FLNB: variants seen among roughly 807,000 people sequenced by gnomAD.
FLNB encodes filamin B.
Under a neutral mutation model 250.6 loss-of-function variants are expected in FLNB, and 111 were observed. The ratio of observed to expected loss-of-function variants is 0.44; its 90% confidence interval spans 0.38 to 0.52. The LOEUF is 0.52. Ranked by LOEUF, FLNB falls within the 20% of genes least tolerant of loss-of-function variation. FLNB has a pLI of 0.00. For synonymous variants in FLNB, 1,302 were observed against 1,372.1 expected (o/e 0.95, Z 1.13); for missense variants, 2,869 against 3,447.8 (o/e 0.83, Z 4.20).
At chr3:58,134,093 T>C (rs933772610) in intron 26 of FLNB, among the ~76,000 whole-genome samples, 1 of 152,132 alleles carries the variant, frequency 6.6e-6, no homozygotes, top group Non-Finnish European at 1.5e-5. Flanking sequence ...CCCCAACCCT[T>C]GGAGCGTGGA....
In FLNB at chr3:58,117,828, A is replaced by T. The variant is rs2097281455; in HGVS notation, c.2746-1044A>T. ...TTTCTTGGCCTTTACCCCCTTCCTT[A>T]TTACAAAAGGAATGTGACAAAATAT... is the stretch of plus-strand genomic sequence containing the variant. On this transcript the variant is annotated intron_variant, in intron 18 of 45. Transcript: ENST00000295956. Among the ~76,000 whole-genome samples the T allele has an allele frequency of 6.1e-5, 9 of 146,396 alleles. 1 individual carries two copies. The South Asian group carries it at 2.0e-3, about 32-fold the overall frequency.
Position 58,153,646 on chromosome 3 carries a change from G to T in FLNB, c.6634+5G>T, listed in dbSNP as rs761886642. 4 of 1,613,946 alleles carry T rather than the reference G, an allele frequency of 2.5e-6. No homozygotes were observed. Among genetic ancestry groups the T allele is most frequent in the Non-Finnish European group, 3.4e-6 (4 of 1,179,950 alleles). ...GAGGAGAAGCGGGAGTCCCAGGTGAGCATTGCGGGCAGGATTTTCACTTGG... is the reference window on the plus strand; with the variant it reads ...GAGGAGAAGCGGGAGTCCCAGGTGATCATTGCGGGCAGGATTTTCACTTGG... On this transcript the variant is annotated splice_donor_5th_base_variant and intron_variant, in intron 39 of 45. Coordinates refer to ENST00000295956, the MANE Select transcript of FLNB (RefSeq NM_001457.4).
At chr3:58,081,507 A>T in intron 3 of FLNB, 122 bp from the exon 4 acceptor site, 2 of 949,396 alleles carry the variant, frequency 2.1e-6, no homozygotes, top group Non-Finnish European at 3.4e-6. Flanking sequence ...AATTTCACTT[A>T]ATTGAGAAGC....
At position 58,142,477 on chromosome 3, in the gene FLNB, G is replaced by C. The variant is rs549728971; in HGVS notation, c.5182-173G>C. Among the ~76,000 whole-genome samples, 1 of 152,136 alleles carries C rather than the reference G, an allele frequency of 6.6e-6. No homozygotes were observed. The highest frequency in any genetic ancestry group is 1.5e-5 in the Non-Finnish European group (1 of 68,024). On this transcript the variant is annotated intron_variant, in intron 30 of 45. Coordinates refer to ENST00000295956, the MANE Select transcript of FLNB (RefSeq NM_001457.4). The surrounding 1 kb of genome is among the most constrained non-coding windows in gnomAD (Gnocchi z 4.3). ...CAGCATGACCTCTCCAGTCCCTCAG[G>C]TTCTACCCTGGGTCTGGAGCCACTT... is the stretch of plus-strand genomic sequence containing the variant.
chr3:58,122,881 C>T (rs978717686), intron 20 of FLNB, among the ~76,000 whole-genome samples: 1 of 152,144 alleles, frequency 6.6e-6, no homozygotes, highest in Non-Finnish European at 1.5e-5. Context: ...CACCTCTCTC[C>T]TGTGGGTTTT....
rs149365195 is a variant in FLNB at position 58,124,620 on chromosome 3, C to T, written c.3898+115C>T. ...TGCTAGGCCTGTCTCAGCAGGGCCA[C>T]GTGCAGAGTGACAGAGTGGAAGTCA... On this transcript the variant is annotated intron_variant, in intron 22 of 45. Coordinates refer to ENST00000295956, the MANE Select transcript of FLNB (RefSeq NM_001457.4). 2.7e-3 allele frequency: 2,984 copies of T among 1,109,556 alleles called. 3 individuals carry two copies. Among genetic ancestry groups the T allele is most frequent in the Non-Finnish European group, 3.7e-3 (2,770 of 749,202 alleles). 68.7% of individuals were successfully genotyped at this position (1,109,556 alleles called of 1,614,324 possible).
At chr3:58,041,570 C>G (rs1421842632) in intron 1 of FLNB, among the ~76,000 whole-genome samples, 1 of 152,188 alleles carries the variant, frequency 6.6e-6, no homozygotes, top group Admixed American at 6.5e-5. Context: ...GAGCTGTAAG[C>G]CAACCTTTTC....
intron 38 of FLNB, chr3:58,150,710 C>CGA: frequency 9.8e-6 from 2 of 203,466 alleles, no homozygotes; most frequent in South Asian, 1.8e-4. Context: ...TCTTCTTGGG[C>CGA]CCCGATTAGC....
At chr3:58,040,171 T>C (rs1445557051) in intron 1 of FLNB, among the ~76,000 whole-genome samples, 1 of 152,120 alleles carries the variant, frequency 6.6e-6, no homozygotes, top group East Asian at 1.9e-4. Flanking sequence ...TTTGGGGTGC[T>C]GTGACGGCAA....
intron 1 of FLNB, among the ~76,000 whole-genome samples, chr3:58,036,330 G>T (rs1471734547): frequency 6.6e-6 from 1 of 152,156 alleles, no homozygotes; most frequent in Non-Finnish European, 1.5e-5. Context: ...GAATTTTATT[G>T]TTACTGAAAT....
chr3:58,140,630 A>G (rs1169890476), intron 29 of FLNB, among the ~76,000 whole-genome samples: 1 of 151,618 alleles, frequency 6.6e-6, no homozygotes, highest in Non-Finnish European at 1.5e-5. Context: ...TTTTTTTGAG[A>G]CAGAATCTCA....
intron 24 of FLNB, among the ~76,000 whole-genome samples, chr3:58,127,418 C>T (rs945989234): frequency 6.6e-6 from 1 of 151,512 alleles, no homozygotes; most frequent in Non-Finnish European, 1.5e-5. Context: ...TTTTCACTGA[C>T]AATACTAGTA....
chr3:58,132,099 G>A lies in FLNB; in HGVS notation c.4391-709G>A, dbSNP rs918847810. 2.7e-5 allele frequency: 24 copies of A among 901,578 alleles called. No individual in the cohort carries two copies. The African/African-American group carries it at 3.0e-4, about 11-fold the overall frequency. 55.8% of individuals were successfully genotyped at this position (901,578 alleles called of 1,614,324 possible). On this transcript the variant is annotated intron_variant, in intron 25 of 45. Transcript: ENST00000295956. ...CTCACTTCTAAAATTGCTTACACCT[G>A]CCTCATCTGCTTTGCTTAATGAGCA...
intron 12 of FLNB, among the ~76,000 whole-genome samples, chr3:58,107,863 G>A (rs1224735907): frequency 6.6e-6 from 1 of 152,218 alleles, no homozygotes; most frequent in Non-Finnish European, 1.5e-5. Flanking sequence ...TTGCCCTCTA[G>A]GGCAAATGTT....
At chr3:58,132,765 G>C (rs2097309581) in intron 25 of FLNB, 43 bp from the exon 26 acceptor site, 1 of 1,613,716 alleles carries the variant, frequency 6.2e-7, no homozygotes, top group Admixed American at 1.7e-5. Context: ...TGGAGTAAAG[G>C]TGAGGCCAGG....
At chr3:58,020,543 G>A (rs945492687) in intron 1 of FLNB, among the ~76,000 whole-genome samples, 1 of 152,154 alleles carries the variant, frequency 6.6e-6, no homozygotes, top group Non-Finnish European at 1.5e-5. Context: ...TGAAAGGTCT[G>A]GGTGTTAACA....
At chr3:58,108,227 C>T (rs1046197493) in intron 12 of FLNB, among the ~76,000 whole-genome samples, 1 of 152,184 alleles carries the variant, frequency 6.6e-6, no homozygotes, top group Non-Finnish European at 1.5e-5. Flanking sequence ...GGCTTCAGGC[C>T]GTGGGTTGGA....
rs9832565 is a variant in FLNB, at chr3:58,131,937, G to A, written c.4391-871G>A. The A allele has an allele frequency of 0.074, 113,136 of 1,535,516 alleles. 4,510 individuals are homozygous for A. The highest frequency in any genetic ancestry group is 0.079 in the Non-Finnish European group (90,915 of 1,145,404). On this transcript the variant is annotated intron_variant, in intron 25 of 45. Transcript: ENST00000295956. ...GCCTTTTGATTTTAGCTGACGACAC[G>A]GATTCCCAGTCATGGCGCAGCCCCT...
rs578118638 is a variant in FLNB, at chr3:58,129,845, C to G, written c.4223-896C>G. Among the ~76,000 whole-genome samples the G allele has an allele frequency of 4.6e-5, 7 of 152,304 alleles. No homozygotes were observed. The East Asian group carries it at 1.2e-3, about 25-fold the overall frequency. On this transcript the variant is annotated intron_variant, in intron 24 of 45. Coordinates refer to ENST00000295956, the MANE Select transcript of FLNB (RefSeq NM_001457.4). ...TGGTAGCCTGAGGCATGCTGCCGTT[C>G]GCTGGATGGGGAGGTCCCCCTCCAC...
Sources: gnomAD v4.1 joint callset for allele counts (sites outside exome capture counted in the v4.1 genomes callset) on GRCh38, gnomAD v4.1.1 for gene constraint, Gnocchi (gnomAD v3.1) non-coding constraint, MANE v1.5 for transcripts, NCBI Gene and HGNC (gene_info 2026-07-23, HGNC 2026-07-21) for gene names.